Variants in PLEKHO2 observed in about 807,000 individuals in gnomAD.
PLEKHO2 encodes pleckstrin homology domain containing O2.
PLEKHO2 carries 20 observed loss-of-function variants against 32.7 expected under a neutral mutation model. The observed-to-expected ratio is 0.61, with a 90% CI of 0.43 to 0.89. The LOEUF (loss-of-function observed/expected upper bound fraction) is 0.89, where lower values mean the gene tolerates loss of function less well. Among genes scored for constraint, PLEKHO2 ranks in the 40% least tolerant of loss-of-function variants. The pLI, the probability that PLEKHO2 is intolerant of heterozygous loss-of-function variation, is 0.00. For synonymous variants in PLEKHO2, 247 were observed against 246.3 expected, an observed-to-expected ratio of 1.00 and a Z score of -0.03; for missense variants, 568 against 621.2, an observed-to-expected ratio of 0.91 and a Z score of 0.91.
At chr15:64,850,855 C>G (rs2084562479) in intron 2 of PLEKHO2, among the ~76,000 whole-genome samples, 1 of 152,222 alleles carries the variant, frequency 6.6e-6, no homozygotes, top group Admixed American at 6.5e-5. Flanking sequence ...GTGGTTGAGG[C>G]TATCGGAGGG....
rs776965021 is a variant in PLEKHO2, at chr15:64,865,096, G to A, written c.681G>A (p.Gly227=). ...SPGDRVETPV[G]ERAPTPVSAS... The stretch of plus-strand genomic sequence containing the variant: ...GTGACAGGGTGGAGACCCCTGTGGG[G>A]GAGAGAGCCCCAACCCCTGTCTCAG... Residue 227 remains glycine (G), a synonymous_variant, in exon 6 of 6, where the codon GGG becomes GGA. Coordinates refer to ENST00000323544, the MANE Select transcript of PLEKHO2 (RefSeq NM_025201.5). The A allele has an allele frequency of 6.2e-7, 1 of 1,614,086 alleles. No homozygotes were observed. The highest frequency in any genetic ancestry group is 1.1e-5 in the South Asian group (1 of 91,088).
rs1399941854 is a variant in PLEKHO2, at chr15:64,866,529, G to A, written c.*641G>A. On this transcript the variant is annotated 3_prime_UTR_variant, in exon 6 of 6. Coordinates refer to ENST00000323544, the MANE Select transcript of PLEKHO2 (RefSeq NM_025201.5). ...GTGTGGCCTCTCTCTCTTTGGCCCT[G>A]TTTCCTTTTTTGCAAAACAAGGACA... 1 of 373,938 alleles carries A rather than the reference G, an allele frequency of 2.7e-6. No individual in the cohort carries two copies. The highest frequency in any genetic ancestry group is 5.3e-6 in the Non-Finnish European group (1 of 187,076). 23.2% of individuals were successfully genotyped at this position (373,938 alleles called of 1,614,324 possible).
rs1418204862 is a variant in PLEKHO2, at chr15:64,867,238, A to C, written c.*1350A>C. On this transcript the variant is annotated 3_prime_UTR_variant, in exon 6 of 6. Transcript: ENST00000323544. ...AAGAGAGAAAGGGGGGGGTCACAGC[A>C]ACATGCCCTGGCCTTTCTGCTCTGT... is the stretch of plus-strand genomic sequence containing the variant. The C allele has an allele frequency of 6.5e-6, 1 of 152,794 alleles. No homozygotes were observed. Among genetic ancestry groups the C allele is most frequent in the Non-Finnish European group, 1.5e-5 (1 of 68,178 alleles). 9.5% of individuals were successfully genotyped at this position (152,794 alleles called of 1,614,324 possible).
chr15:64,859,133 A>T (rs929290850), intron 3 of PLEKHO2, among the ~76,000 whole-genome samples: 1 of 152,224 alleles, frequency 6.6e-6, no homozygotes, highest in African/African-American at 2.4e-5. Flanking sequence ...CTGATAATCC[A>T]TTGTACGTAT....
intron 2 of PLEKHO2, among the ~76,000 whole-genome samples, chr15:64,852,463 C>A (rs2084576032): frequency 6.6e-6 from 1 of 152,174 alleles, no homozygotes; most frequent in Non-Finnish European, 1.5e-5. Flanking sequence ...TAGTAGTTAT[C>A]CACATTAGAT....
At chr15:64,843,366 G>A (rs550931723) in intron 1 of PLEKHO2, among the ~76,000 whole-genome samples, 25 of 152,336 alleles carry the variant, frequency 1.6e-4, no homozygotes, top group African/African-American at 6.0e-4. Context: ...CTGGCTGTTA[G>A]GTGGGGCTGC....
intron 4 of PLEKHO2, 151 bp downstream of exon 4, chr15:64,860,149 A>G: frequency 1.5e-6 from 1 of 650,752 alleles, no homozygotes; most frequent in Non-Finnish European, 2.7e-6. Flanking sequence ...AGTCCTCACT[A>G]CAGCCCCTCA....
In PLEKHO2 at chr15:64,867,875, C is replaced by T. The variant is rs1230285585; in HGVS notation, c.*1987C>T. 1.3e-5 allele frequency: 2 copies of T among 152,268 alleles called. No homozygotes were observed. The highest frequency in any genetic ancestry group is 4.8e-5 in the African/African-American group (2 of 41,460). 9.4% of individuals were successfully genotyped at this position (152,268 alleles called of 1,614,324 possible). A position where few individuals can be genotyped will look rare whatever the true frequency, so the allele number is the denominator to read the frequency against. ...GGGAGAGGAGTGAGAACGTGCAGGG[C>T]CTGCCTAGCTTGCGTGCTTGAGGAA... On this transcript the variant is annotated 3_prime_UTR_variant, in exon 6 of 6. Coordinates refer to ENST00000323544, the MANE Select transcript of PLEKHO2 (RefSeq NM_025201.5).
intron 2 of PLEKHO2, among the ~76,000 whole-genome samples, chr15:64,852,703 C>T (rs2084577482): frequency 6.6e-6 from 1 of 151,922 alleles, no homozygotes; most frequent in South Asian, 2.1e-4. Context: ...TCTCTGCAGC[C>T]TCCGCCTCCT....
chr15:64,865,176 A>G lies in PLEKHO2; in HGVS notation c.761A>G (p.Glu254Gly), dbSNP rs1567099106. 2 of 1,614,138 alleles carry G rather than the reference A, an allele frequency of 1.2e-6. No homozygotes were observed. The highest frequency in any genetic ancestry group is 1.7e-6 in the Non-Finnish European group (2 of 1,180,004). Residue 254 changes from glutamate (E) to glycine (G), a missense_variant, in exon 6 of 6, where the codon GAG (glutamate) becomes GGG (glycine). Physicochemically the swap from Glu to Gly is moderately conservative, Grantham distance 98. Coordinates refer to ENST00000323544, the MANE Select transcript of PLEKHO2 (RefSeq NM_025201.5). ...SQEDSETPAE[E>G]DSGSEQPPNS... ...GAGGACTCAGAGACCCCAGCAGAGGAGGACAGTGGCTCTGAGCAGCCTCCC... is the reference window on the plus strand; with the variant it reads ...GAGGACTCAGAGACCCCAGCAGAGGGGGACAGTGGCTCTGAGCAGCCTCCC...
intron 2 of PLEKHO2, among the ~76,000 whole-genome samples, chr15:64,851,922 A>G (rs991597589): frequency 1.3e-5 from 2 of 152,174 alleles, no homozygotes; most frequent in Admixed American, 6.5e-5. Context: ...TCCCTGCTCC[A>G]GATTCCCGGG....
intron 5 of PLEKHO2, 89 bp from the exon 6 acceptor site, chr15:64,864,810 G>A: frequency 7.0e-7 from 1 of 1,429,932 alleles, no homozygotes. Flanking sequence ...CAACCTGGAT[G>A]GGAGAGGGTA....
Position 64,865,204 on chromosome 15 carries a change from C to T in PLEKHO2, c.789C>T (p.Asn263=), listed in dbSNP as rs2084672794. 2 of 1,614,212 alleles carry T rather than the reference C, an allele frequency of 1.2e-6. No individual in the cohort carries two copies. The highest frequency in any genetic ancestry group is 1.7e-6 in the Non-Finnish European group (2 of 1,180,032). Residue 263 remains asparagine (N), a synonymous_variant, in exon 6 of 6, where the codon AAC becomes AAT. Coordinates refer to ENST00000323544, the MANE Select transcript of PLEKHO2 (RefSeq NM_025201.5). ...EEDSGSEQPP[N]SVLPDKLKVS... The stretch of plus-strand genomic sequence containing the variant: ...ACAGTGGCTCTGAGCAGCCTCCCAA[C>T]AGCGTCCTGCCTGACAAACTGAAGG...
intron 4 of PLEKHO2, among the ~76,000 whole-genome samples, 176 bp downstream of exon 4, chr15:64,860,174 G>A (rs1001423325): frequency 1.1e-4 from 17 of 152,218 alleles, no homozygotes; most frequent in Non-Finnish European, 1.3e-4. Flanking sequence ...AGGTGGTGCT[G>A]TCCTTGTTTT....
At chr15:64,845,117 A>C (rs1458676763) in intron 1 of PLEKHO2, among the ~76,000 whole-genome samples, 1 of 151,374 alleles carries the variant, frequency 6.6e-6, no homozygotes, top group Non-Finnish European at 1.5e-5. Flanking sequence ...CTGGGATGTG[A>C]GGTGCCAACC....
At chr15:64,861,747 G>A (rs550396245) in intron 5 of PLEKHO2, among the ~76,000 whole-genome samples, 172 bp downstream of exon 5, 2 of 152,316 alleles carry the variant, frequency 1.3e-5, no homozygotes, top group African/African-American at 4.8e-5. Flanking sequence ...CTCAGGGTAT[G>A]GATGTCCTTG....
chr15:64,847,776 TGTG>T lies in PLEKHO2; in HGVS notation c.13-812_13-810del, dbSNP rs141517162. Among the ~76,000 whole-genome samples, 781 of 152,246 alleles carry T rather than the reference TGTG, an allele frequency of 5.1e-3. 5 individuals carry two copies. The highest frequency in any genetic ancestry group is 8.6e-3 in the Non-Finnish European group (588 of 68,000). ...CAGAGTCCTTGGAACCCTCACCAGATGTGGTGGCCACCCTAAGGTCCTTGCCTG... is the reference window on the plus strand; with the variant it reads ...CAGAGTCCTTGGAACCCTCACCAGATGTGGCCACCCTAAGGTCCTTGCCTG... On this transcript the variant is annotated intron_variant, in intron 1 of 5. Coordinates refer to ENST00000323544, the MANE Select transcript of PLEKHO2 (RefSeq NM_025201.5).
At chr15:64,855,144 G>T (rs145887272) in intron 3 of PLEKHO2, 107 bp downstream of exon 3, 4 of 826,698 alleles carry the variant, frequency 4.8e-6, no homozygotes, top group South Asian at 4.6e-5. Context: ...CCTGTTTTCC[G>T]TTGCGTGTGG....
At chr15:64,843,846 T>G (rs537521245) in intron 1 of PLEKHO2, among the ~76,000 whole-genome samples, 2 of 152,098 alleles carry the variant, frequency 1.3e-5, no homozygotes, top group African/African-American at 4.8e-5. Context: ...TCCGAAAGTG[T>G]TGGGGTTACA....
Sources: allele counts gnomAD v4.1 joint callset (sites outside exome capture counted in the v4.1 genomes callset), GRCh38; gene constraint gnomAD v4.1.1; transcripts MANE v1.5; gene names NCBI Gene and HGNC (gene_info 2026-07-23, HGNC 2026-07-21).